MIGA1: variants seen among roughly 807,000 people sequenced by gnomAD.
The protein encoded by MIGA1 is family with sequence similarity 73, member A.
In MIGA1, 58 loss-of-function variants were observed where a neutral mutation model predicts 82.0. That is an observed-to-expected ratio of 0.71 (90% CI 0.57 to 0.88). The LOEUF (loss-of-function observed/expected upper bound fraction) is 0.88. Among genes scored for constraint, MIGA1 ranks in the 40% least tolerant of loss-of-function variants. MIGA1 has a pLI of 0.00. For missense variants in MIGA1, 751 were observed against 749.1 expected, an observed-to-expected ratio of 1.00 and a Z score of -0.03; for synonymous variants, 249 against 253.6, an observed-to-expected ratio of 0.98 and a Z score of 0.17.
At position 77,859,985 on chromosome 1, in the gene MIGA1, TC is replaced by T; in HGVS notation, c.1189-53del. 32 of 1,105,858 alleles carry T rather than the reference TC, an allele frequency of 2.9e-5. 1 individual carries two copies. The South Asian group carries it at 3.9e-4, about 14-fold the overall frequency. 68.5% of individuals were successfully genotyped at this position (1,105,858 alleles called of 1,614,324 possible). A position where few individuals can be genotyped will look rare whatever the true frequency, so the allele number is the denominator to read the frequency against. On this transcript the variant is annotated intron_variant, in intron 10 of 15. Coordinates refer to ENST00000370791, the MANE Select transcript of MIGA1 (RefSeq NM_198549.4). Reference sequence around the variant, plus strand: ...ATTATTTGTGCTATTAAGTTGAATGTCCATTCACATTCATTATAGGTCTCTT... The same window carrying T: ...ATTATTTGTGCTATTAAGTTGAATGTCATTCACATTCATTATAGGTCTCTT...
intron 5 of MIGA1, among the ~76,000 whole-genome samples, chr1:77,808,130 C>CTTTTT (rs754585009): frequency 7.3e-6 from 1 of 137,038 alleles, no homozygotes. Flanking sequence ...ACCTTTCTCT[C>CTTTTT]TTTTTTTTTT....
At chr1:77,850,862 C>CTTT (rs66645153) in intron 8 of MIGA1, among the ~76,000 whole-genome samples, 1 of 148,688 alleles carries the variant, frequency 6.7e-6, no homozygotes. Context: ...TTCTTTCTTT[C>CTTT]TTTTTTTTTT....
intron 7 of MIGA1, among the ~76,000 whole-genome samples, chr1:77,827,603 C>T (rs1211984382): frequency 6.6e-6 from 1 of 152,186 alleles, no homozygotes; most frequent in Non-Finnish European, 1.5e-5. Context: ...ACACTTTGTC[C>T]AGCTCAGAAG....
At chr1:77,803,887 AT>A (rs1557901491) in intron 4 of MIGA1, among the ~76,000 whole-genome samples, 1 of 152,202 alleles carries the variant, frequency 6.6e-6, no homozygotes, top group Non-Finnish European at 1.5e-5. Context: ...AGTATTATAC[AT>A]TAAAAAGTAA....
chr1:77,818,156 T>G (rs1011828417), intron 7 of MIGA1, among the ~76,000 whole-genome samples: 1 of 147,792 alleles, frequency 6.8e-6, no homozygotes, highest in African/African-American at 2.5e-5. Context: ...AGAGTTTTGC[T>G]CTTGTTGCCC....
chr1:77,814,330 C>T (rs918696150), intron 6 of MIGA1, among the ~76,000 whole-genome samples: 5 of 151,988 alleles, frequency 3.3e-5, no homozygotes, highest in African/African-American at 1.2e-4. Context: ...CCAGATTTAC[C>T]ATTCATCAAG....
rs1646910837 is a variant in MIGA1, at chr1:77,878,406, A to AAAAAAG, written c.*3347_*3348insGAAAAA. On this transcript the variant is annotated 3_prime_UTR_variant, in exon 16 of 16. Transcript: ENST00000370791. ...TAAAACTCTGTCTCAAAAAAAAAAAAAAAAAAAAAAAAAAAGACATATGTA... is the reference window on the plus strand; with the variant it reads ...TAAAACTCTGTCTCAAAAAAAAAAAAAAAAAGAAAAAAAAAAAAAAAGACATATGTA... 1.3e-5 allele frequency: 2 copies of AAAAAAG among 150,382 alleles called. No homozygotes were observed. Among genetic ancestry groups the AAAAAAG allele is most frequent in the Non-Finnish European group, 3.0e-5 (2 of 67,718 alleles). 9.3% of individuals were successfully genotyped at this position (150,382 alleles called of 1,614,324 possible). A position where few individuals can be genotyped will look rare whatever the true frequency, so the allele number is the denominator to read the frequency against.
rs1285643048 is a variant in MIGA1, at chr1:77,813,941, G to A, written c.771+74G>A. The A allele has an allele frequency of 3.3e-6, 5 of 1,519,634 alleles. No individual in the cohort carries two copies. The African/African-American group carries it at 6.9e-5, about 21-fold the overall frequency. The allele number at this position is 1,519,634 out of a possible 1,614,324, so 94.1% of individuals were successfully genotyped here. A position where few individuals can be genotyped will look rare whatever the true frequency, so the allele number is the denominator to read the frequency against. On this transcript the variant is annotated intron_variant, in intron 6 of 15. Coordinates refer to ENST00000370791, the MANE Select transcript of MIGA1 (RefSeq NM_198549.4). ...CTTTTTTTTTGTTTTTTTGGTAGAGGTAGGGTCTCACTGTTGTTACCCAGG... is the reference window on the plus strand; with the variant it reads ...CTTTTTTTTTGTTTTTTTGGTAGAGATAGGGTCTCACTGTTGTTACCCAGG...
In MIGA1 at chr1:77,803,284, A is replaced by G. The variant is rs371891380; in HGVS notation, c.388A>G (p.Ser130Gly). 5 of 1,526,982 alleles carry G rather than the reference A, an allele frequency of 3.3e-6. No individual in the cohort carries two copies. Among genetic ancestry groups the G allele is most frequent in the African/African-American group, 1.4e-5 (1 of 71,146 alleles). The allele number at this position is 1,526,982 out of a possible 1,614,324, so 94.6% of individuals were successfully genotyped here. A position where few individuals can be genotyped will look rare whatever the true frequency, so the allele number is the denominator to read the frequency against. ...TTATTTGATAGGTTCAAGTTGTTCC[A>G]GTAGCAGACAGAATTTGACATTATC... The change falls in exon 4 of 16, where the codon AGT (serine) becomes GGT (glycine). Residue 130 changes from serine to glycine, a missense_variant. Physicochemically the swap from Ser to Gly is moderately conservative, Grantham distance 56 (BLOSUM62 0). Coordinates refer to ENST00000370791, the MANE Select transcript of MIGA1 (RefSeq NM_198549.4).
chr1:77,809,863 A>T (rs920656115), intron 5 of MIGA1, among the ~76,000 whole-genome samples: 1 of 148,524 alleles, frequency 6.7e-6, no homozygotes, highest in Non-Finnish European at 1.5e-5. Flanking sequence ...GAATGTCAGT[A>T]TATCTAAATA....
chr1:77,811,883 G>A, intron 5 of MIGA1: 15 of 1,445,344 alleles, frequency 1.0e-5, no homozygotes, highest in Non-Finnish European at 1.4e-5. Flanking sequence ...AGGGCCAGGA[G>A]GAACCGCTAC....
At chr1:77,781,868 G>A (rs1040000901) in intron 1 of MIGA1, among the ~76,000 whole-genome samples, 15 of 152,174 alleles carry the variant, frequency 9.9e-5, no homozygotes, top group African/African-American at 2.9e-4. Context: ...TTAATCAGTG[G>A]TTTTGACACT....
rs751464606 is a variant in MIGA1, at chr1:77,864,032, A to C, written c.1509+4A>C. 1.1e-5 allele frequency: 17 copies of C among 1,604,354 alleles called. No homozygotes were observed. The highest frequency in any genetic ancestry group is 1.4e-5 in the Non-Finnish European group (16 of 1,177,892). ...AAACTCATCCTTCAAAGAAACAGTAAGTGGTGGTTAACCTTTCTCAGCCTT... is the reference window on the plus strand; with the variant it reads ...AAACTCATCCTTCAAAGAAACAGTACGTGGTGGTTAACCTTTCTCAGCCTT... On this transcript the variant is annotated splice_donor_region_variant and intron_variant, in intron 13 of 15. Transcript: ENST00000370791.
At chr1:77,801,160 A>G (rs1682864301) in intron 2 of MIGA1, among the ~76,000 whole-genome samples, 171 bp from the exon 3 acceptor site, 2 of 152,192 alleles carry the variant, frequency 1.3e-5, no homozygotes, top group South Asian at 4.1e-4. Flanking sequence ...AACATTTAAG[A>G]TATTTTTTAA....
At chr1:77,859,517 C>A in intron 10 of MIGA1, 131 bp downstream of exon 10, 1 of 630,124 alleles carries the variant, frequency 1.6e-6, no homozygotes, top group South Asian at 2.2e-5. Flanking sequence ...ATATAAAGTC[C>A]ACTAAACTTA....
intron 14 of MIGA1, among the ~76,000 whole-genome samples, chr1:77,872,142 A>AT (rs933672638): frequency 1.7e-4 from 26 of 151,598 alleles, no homozygotes; most frequent in Admixed American, 9.9e-4. Context: ...TAACTTTTGT[A>AT]TTTTTTGTAG....
intron 7 of MIGA1, among the ~76,000 whole-genome samples, chr1:77,828,799 A>G (rs375172723): frequency 2.0e-5 from 3 of 152,130 alleles, no homozygotes; most frequent in South Asian, 2.1e-4. Context: ...CAGCCTTCCA[A>G]GTAGCTGGGA....
intron 5 of MIGA1, chr1:77,810,793 A>G (rs1380549418): frequency 1.3e-6 from 2 of 1,525,592 alleles, no homozygotes; most frequent in African/African-American, 1.4e-5. Context: ...TGAATATGCT[A>G]CACAGAGCTA....
intron 7 of MIGA1, among the ~76,000 whole-genome samples, chr1:77,826,971 AT>A (rs1292131319): frequency 6.8e-6 from 1 of 147,716 alleles, no homozygotes. Context: ...CGCCCAGCTA[AT>A]TTTTTTGTAT....
Sources: allele counts gnomAD v4.1 joint callset (sites outside exome capture counted in the v4.1 genomes callset), GRCh38; gene constraint gnomAD v4.1.1; transcripts MANE v1.5; gene names NCBI Gene and HGNC (gene_info 2026-07-23, HGNC 2026-07-21).